Variants in THSD7B observed in about 807,000 individuals in gnomAD.
THSD7B encodes the protein thrombospondin type-1 domain-containing protein 7B.
A neutral mutation model predicts 213.6 loss-of-function variants in THSD7B; 138 were observed. That is an observed-to-expected ratio of 0.65 (90% CI 0.56 to 0.74). THSD7B has a LOEUF of 0.74. THSD7B is among the 30% of genes least tolerant of loss of function. The pLI, the probability that THSD7B is intolerant of heterozygous loss-of-function variation, is 0.00. For missense variants in THSD7B, 1,931 were observed against 1,991.5 expected, an observed-to-expected ratio of 0.97 and a Z score of 0.58; for synonymous variants, 742 against 687.0, an observed-to-expected ratio of 1.08 and a Z score of -1.25.
intron 2 of THSD7B, among the ~76,000 whole-genome samples, chr2:136,917,829 C>T (rs556989879): frequency 1.5e-3 from 234 of 152,286 alleles, no homozygotes; most frequent in African/African-American, 5.5e-3. Flanking sequence ...AATTCAAATG[C>T]GCCTTGAGCG....
chr2:137,279,741 G>C (rs1273207383), intron 12 of THSD7B, among the ~76,000 whole-genome samples: 1 of 151,976 alleles, frequency 6.6e-6, no homozygotes, highest in Non-Finnish European at 1.5e-5. Flanking sequence ...AAACACATAG[G>C]GTCTTGTTTC....
chr2:136,842,962 C>A (rs924386556), intron 1 of THSD7B, among the ~76,000 whole-genome samples: 1 of 152,082 alleles, frequency 6.6e-6, no homozygotes, highest in Non-Finnish European at 1.5e-5. Flanking sequence ...TTTCCTTGCC[C>A]CTTCTGAATA....
At chr2:137,395,783 CA>C (rs1686167098) in intron 12 of THSD7B, among the ~76,000 whole-genome samples, 1 of 149,066 alleles carries the variant, frequency 6.7e-6, no homozygotes, top group Admixed American at 6.7e-5. Flanking sequence ...GCTGTGAATC[CA>C]TCTGGTCCTG....
chr2:137,182,528 A>C (rs1680474796), intron 7 of THSD7B, among the ~76,000 whole-genome samples: 1 of 151,536 alleles, frequency 6.6e-6, no homozygotes, highest in Non-Finnish European at 1.5e-5. Flanking sequence ...ACTCATTGTC[A>C]TTTCTTCAAA....
chr2:137,452,204 G>A (rs1687666004), intron 15 of THSD7B, among the ~76,000 whole-genome samples: 1 of 151,922 alleles, frequency 6.6e-6, no homozygotes, highest in Non-Finnish European at 1.5e-5. Context: ...GATTTTTAAG[G>A]TTATGTGGTA....
chr2:137,331,840 C>T (rs568846987), intron 12 of THSD7B, among the ~76,000 whole-genome samples: 17 of 152,284 alleles, frequency 1.1e-4, no homozygotes, highest in Middle Eastern at 3.4e-3. Context: ...CCTCCGCAGC[C>T]GCTGGCCCGG....
chr2:137,145,268 G>A (rs1055085188), intron 5 of THSD7B, among the ~76,000 whole-genome samples: 1 of 152,022 alleles, frequency 6.6e-6, no homozygotes, highest in Non-Finnish European at 1.5e-5. Context: ...TAAGAAGAGA[G>A]GCCACAGTTA....
chr2:136,956,473 C>G lies in THSD7B; in HGVS notation c.139+74156C>G, dbSNP rs553617208. Among the ~76,000 whole-genome samples, 210 of 85,816 alleles carry G rather than the reference C, an allele frequency of 2.4e-3. 2 individuals are homozygous for G. The Admixed American group carries it at 0.027, about 11-fold the overall frequency. The allele number at this position is 85,816 out of a possible 152,430, so 56.3% of individuals were successfully genotyped here. On this transcript the variant is annotated intron_variant, in intron 2 of 27. Coordinates refer to ENST00000409968, the MANE Select transcript of THSD7B (RefSeq NM_001316349.2). ...CAAAGTGTTCTCCCATCGTTAGTGT[C>G]CCTTAAGAATTTTTTTAAATTTTTT...
chr2:137,283,656 T>C (rs1191783086), intron 12 of THSD7B, among the ~76,000 whole-genome samples: 1 of 152,232 alleles, frequency 6.6e-6, no homozygotes, highest in South Asian at 2.1e-4. Flanking sequence ...GTTGAGATAA[T>C]CATGTGGTTT....
At chr2:137,577,385 T>C (rs1312011528) in intron 17 of THSD7B, among the ~76,000 whole-genome samples, 1 of 152,146 alleles carries the variant, frequency 6.6e-6, no homozygotes, top group Non-Finnish European at 1.5e-5. Flanking sequence ...AATATGCTTG[T>C]TATCATTCTT....
At chr2:136,808,487 A>G (rs1041837583) in intron 1 of THSD7B, among the ~76,000 whole-genome samples, 4 of 152,222 alleles carry the variant, frequency 2.6e-5, no homozygotes, top group African/African-American at 4.8e-5. Context: ...TCCATCACCT[A>G]TTGAAGGACA....
At chr2:137,451,925 A>G (rs1407423594) in intron 15 of THSD7B, 1 of 275,676 alleles carries the variant, frequency 3.6e-6, no homozygotes, top group African/African-American at 2.3e-5. Flanking sequence ...TCTATTACTA[A>G]TTCTAGTATA....
chr2:137,088,911 C>G (rs1687892950), intron 3 of THSD7B, among the ~76,000 whole-genome samples: 1 of 151,958 alleles, frequency 6.6e-6, no homozygotes. Context: ...CAAATCAAAA[C>G]CACAATGGGA....
intron 2 of THSD7B, among the ~76,000 whole-genome samples, chr2:136,949,896 T>C (rs1685005334): frequency 6.6e-6 from 1 of 152,344 alleles, no homozygotes; most frequent in East Asian, 1.9e-4. Context: ...CATATGTTTA[T>C]TGCAGCACTA....
chr2:136,781,984 G>A (rs1681751256), intron 1 of THSD7B, among the ~76,000 whole-genome samples: 1 of 152,184 alleles, frequency 6.6e-6, no homozygotes, highest in Admixed American at 6.5e-5. Flanking sequence ...GTGGGAAAAA[G>A]GGGTAGGGCA....
intron 2 of THSD7B, among the ~76,000 whole-genome samples, chr2:136,959,203 C>G (rs1235539057): frequency 6.6e-6 from 1 of 152,228 alleles, no homozygotes; most frequent in African/African-American, 2.4e-5. Context: ...TGGCTTCAGT[C>G]ATTATACTTG....
At chr2:137,505,286 A>T (rs1207978945) in intron 15 of THSD7B, among the ~76,000 whole-genome samples, 2 of 152,234 alleles carry the variant, frequency 1.3e-5, no homozygotes, top group East Asian at 3.8e-4. Context: ...GAAATCACTC[A>T]GGGTTTTTGT....
chr2:137,519,360 C>T (rs1233490569), intron 15 of THSD7B, among the ~76,000 whole-genome samples: 1 of 152,184 alleles, frequency 6.6e-6, no homozygotes, highest in Non-Finnish European at 1.5e-5. Flanking sequence ...TTTCTTGCCA[C>T]TAATATTATT....
chr2:137,374,861 T>G (rs1417724821), intron 12 of THSD7B, among the ~76,000 whole-genome samples: 1 of 152,160 alleles, frequency 6.6e-6, no homozygotes, highest in Admixed American at 6.6e-5. Flanking sequence ...CACTTGAGTT[T>G]CCATGAGCCT....
Sources: allele counts gnomAD v4.1 joint callset (sites outside exome capture counted in the v4.1 genomes callset), GRCh38; gene constraint gnomAD v4.1.1; transcripts MANE v1.5; gene names NCBI Gene and HGNC (gene_info 2026-07-23, HGNC 2026-07-21).